The following TG variants were observed in gnomAD, a reference collection of about 807,000 sequenced individuals.
TG encodes the protein thyroid hormones.
In TG, 270 loss-of-function variants were observed where a neutral mutation model predicts 324.7. That is an observed-to-expected ratio of 0.83 (90% CI 0.75 to 0.92). The LOEUF (loss-of-function observed/expected upper bound fraction) is 0.92, where lower values mean the gene tolerates loss of function less well. Ranked by LOEUF, TG falls within the 40% of genes least tolerant of loss-of-function variation. The pLI is 0.00. For synonymous variants in TG, 1,401 were observed against 1,327.0 expected (o/e 1.06, Z -1.21); for missense variants, 3,591 against 3,456.4 (o/e 1.04, Z -0.98).
intron 22 of TG, among the ~76,000 whole-genome samples, chr8:132,925,639 C>T (rs899429116): frequency 1.1e-4 from 17 of 151,784 alleles, no homozygotes; most frequent in African/African-American, 4.1e-4. Flanking sequence ...GGAAGTACAG[C>T]AGGAAAGTGC....
chr8:133,065,545 T>C (rs1340103284), intron 41 of TG, among the ~76,000 whole-genome samples: 1 of 152,136 alleles, frequency 6.6e-6, no homozygotes, highest in Non-Finnish European at 1.5e-5. Flanking sequence ...GTGGATCACG[T>C]CAGGTCAGGA....
At chr8:132,879,034 C>T (rs1814267060) in intron 5 of TG, among the ~76,000 whole-genome samples, 1 of 152,230 alleles carries the variant, frequency 6.6e-6, no homozygotes, top group Non-Finnish European at 1.5e-5. Context: ...GAAAGCATGA[C>T]AGAACCCCTG....
In TG at chr8:133,011,907, T is replaced by C. The variant is rs575534729; in HGVS notation, c.6269T>C (p.Leu2090Pro). Residue 2090 changes from leucine to proline, a missense_variant, in exon 36 of 48, where the codon CTG becomes CCG. Transcript: ENST00000220616. ...VLPSLTEKVS[L>P]DSWQSLALSS... The stretch of plus-strand genomic sequence containing the variant: ...CCGTTGCCTTCTCTCCTAGTGTCTC[T>C]GGACTCGTGGCAGTCCCTGGCCCTC... 2.4e-5 allele frequency: 39 copies of C among 1,614,226 alleles called. 1 individual carries two copies. The Middle Eastern group carries it at 5.0e-4, about 20-fold the overall frequency.
intron 39 of TG, 41 bp from the exon 40 acceptor site, chr8:133,021,950 C>T (rs1408232754): frequency 6.2e-7 from 1 of 1,613,358 alleles, no homozygotes; most frequent in Non-Finnish European, 8.5e-7. Flanking sequence ...GGAAAGGTGC[C>T]CTCCCCACAC....
chr8:132,974,500 C>G (rs73355499), intron 34 of TG, among the ~76,000 whole-genome samples: 3,216 of 152,200 alleles, frequency 0.021, 117 homozygotes, highest in African/African-American at 0.073. Flanking sequence ...ATTGCTTGAC[C>G]CAAACCACAC....
intron 21 of TG, among the ~76,000 whole-genome samples, chr8:132,921,793 C>T (rs1254609989): frequency 6.6e-6 from 1 of 152,162 alleles, no homozygotes; most frequent in African/African-American, 2.4e-5. Flanking sequence ...GATGTATTAA[C>T]TCATGTATAG....
At chr8:132,945,417 G>T (rs1383178756) in intron 26 of TG, among the ~76,000 whole-genome samples, 1 of 152,146 alleles carries the variant, frequency 6.6e-6, no homozygotes, top group African/African-American at 2.4e-5. Flanking sequence ...GAGATTGGAT[G>T]TCCAATTTGG....
At chr8:133,077,636 C>G (rs912931378) in intron 41 of TG, among the ~76,000 whole-genome samples, 2 of 152,200 alleles carry the variant, frequency 1.3e-5, no homozygotes, top group African/African-American at 4.8e-5. Context: ...CCACGCTAGA[C>G]AGGTGACTCA....
At chr8:132,936,793 A>G (rs537928749) in intron 25 of TG, among the ~76,000 whole-genome samples, 10 of 152,306 alleles carry the variant, frequency 6.6e-5, no homozygotes, top group African/African-American at 2.4e-4. Context: ...GCTCTGAGCC[A>G]TGCGCTCTGG....
chr8:132,992,860 A>T (rs528238094), intron 35 of TG, among the ~76,000 whole-genome samples: 26 of 152,330 alleles, frequency 1.7e-4, no homozygotes, highest in African/African-American at 6.3e-4. Context: ...TCTGGGAACC[A>T]TCGCTATGAA....
At position 133,131,877 on chromosome 8, in the gene TG, A is replaced by G; in HGVS notation, c.7928A>G (p.Gln2643Arg). 1 of 1,614,168 alleles carries G rather than the reference A, an allele frequency of 6.2e-7. No individual in the cohort carries two copies. Among genetic ancestry groups the G allele is most frequent in the Non-Finnish European group, 8.5e-7 (1 of 1,180,010 alleles). ...GLPFYPAYEG[Q>R]FSLEEKSLSL... ...CCCTTCTACCCAGCCTACGAGGGGC[A>G]GTTTTCTCTGGAGGAGAAGAGCCTG... Residue 2643 changes from glutamine (Q) to arginine (R), a missense_variant, in exon 46 of 48, where the codon CAG becomes CGG. Transcript: ENST00000220616.
intron 41 of TG, among the ~76,000 whole-genome samples, chr8:133,033,674 CTGTTCTG>C (rs1836835877): frequency 6.6e-6 from 1 of 152,222 alleles, no homozygotes; most frequent in African/African-American, 2.4e-5. Flanking sequence ...CTTTTTATCT[CTGTTCTG>C]TGTTCAGCAT....
rs537124178 is a variant in TG, at chr8:132,907,741, G to A, written c.3848-445G>A. Among the ~76,000 whole-genome samples, 77 of 152,332 alleles carry A rather than the reference G, an allele frequency of 5.1e-4. 1 individual carries two copies. Among genetic ancestry groups the A allele is most frequent in the Middle Eastern group, 3.4e-3 (1 of 294 alleles). ...CTAGAGCAAAGGACTTTGGGGAAAA[G>A]AGGCACAAATCTTGAGCTCCTGAAG... On this transcript the variant is annotated intron_variant, in intron 17 of 47. Coordinates refer to ENST00000220616, the MANE Select transcript of TG (RefSeq NM_003235.5).
At chr8:132,964,686 G>A (rs1828286119) in intron 29 of TG, 1 of 569,126 alleles carries the variant, frequency 1.8e-6, no homozygotes, top group African/African-American at 1.9e-5. Flanking sequence ...CCAGGTATAA[G>A]ATGAAGTGGC....
chr8:132,975,162 A>G (rs1188761551), intron 34 of TG, among the ~76,000 whole-genome samples: 1 of 152,182 alleles, frequency 6.6e-6, no homozygotes, highest in Admixed American at 6.5e-5. Context: ...CAGTGCCAGC[A>G]CTAGGTATTT....
chr8:132,914,630 A>G (rs1820026257), intron 20 of TG, among the ~76,000 whole-genome samples: 1 of 152,200 alleles, frequency 6.6e-6, no homozygotes, highest in African/African-American at 2.4e-5. Flanking sequence ...ATTAAATGAG[A>G]TGGGGCATCT....
At chr8:132,974,581 C>T (rs188589519) in intron 34 of TG, among the ~76,000 whole-genome samples, 1 of 152,176 alleles carries the variant, frequency 6.6e-6, no homozygotes, top group Non-Finnish European at 1.5e-5. Flanking sequence ...CTTCCCTTTA[C>T]GATGTTGCCT....
chr8:133,063,088 A>G (rs1249956314), intron 41 of TG, among the ~76,000 whole-genome samples: 1 of 152,042 alleles, frequency 6.6e-6, no homozygotes, highest in Non-Finnish European at 1.5e-5. Context: ...CTCTGAAACC[A>G]CATGTGTGCT....
At chr8:132,941,619 A>C in intron 26 of TG, 77 bp downstream of exon 26, 1 of 1,534,678 alleles carries the variant, frequency 6.5e-7, no homozygotes. Context: ...GACACACAAC[A>C]TGGAGCTGCA....
Sources: allele counts gnomAD v4.1 joint callset (sites outside exome capture counted in the v4.1 genomes callset), GRCh38; gene constraint gnomAD v4.1.1; transcripts MANE v1.5; gene names NCBI Gene and HGNC (gene_info 2026-07-23, HGNC 2026-07-21).